Variants in USP10 observed in about 807,000 individuals in gnomAD.
USP10 encodes the protein ubiquitin carboxyl-terminal hydrolase 10.
In USP10, 22 loss-of-function variants were observed where a neutral mutation model predicts 84.5. The observed-to-expected ratio is 0.26, with a 90% CI of 0.19 to 0.37. The LOEUF is 0.37. Among genes scored for constraint, USP10 ranks in the 10% least tolerant of loss-of-function variants. USP10 has a pLI of 1.00. For missense variants in USP10, 1,019 were observed against 998.9 expected, an observed-to-expected ratio of 1.02 and a Z score of -0.27; for synonymous variants, 454 against 387.6, an observed-to-expected ratio of 1.17 and a Z score of -2.01.
chr16:84,762,433 G>A (rs1233322500), intron 8 of USP10, among the ~76,000 whole-genome samples: 5 of 152,208 alleles, frequency 3.3e-5, no homozygotes, highest in African/African-American at 7.2e-5. Context: ...GCTCATGCCT[G>A]TAATCCCAGC....
chr16:84,768,634 G>A (rs1914111483), intron 11 of USP10, among the ~76,000 whole-genome samples: 1 of 152,066 alleles, frequency 6.6e-6, no homozygotes, highest in Non-Finnish European at 1.5e-5. Flanking sequence ...ATCTAATGAT[G>A]ATATCACAAC....
At chr16:84,759,275 T>C in intron 5 of USP10, 88 bp from the exon 6 acceptor site, 3 of 1,282,046 alleles carry the variant, frequency 2.3e-6, no homozygotes, top group Non-Finnish European at 3.4e-6. Context: ...TCCTTGTGTT[T>C]TTATAAACAT....
At chr16:84,754,139 G>T (rs1912248948) in intron 4 of USP10, among the ~76,000 whole-genome samples, 1 of 152,176 alleles carries the variant, frequency 6.6e-6, no homozygotes, top group African/African-American at 2.4e-5. Flanking sequence ...CTAATATCAG[G>T]TAGGCAGTGA....
At chr16:84,777,147 C>T (rs569445312) in intron 13 of USP10, among the ~76,000 whole-genome samples, 118 of 152,324 alleles carry the variant, frequency 7.7e-4, no homozygotes, top group African/African-American at 2.4e-3. Flanking sequence ...AGCAATCTCG[C>T]GCACAAGCTT....
In USP10 at chr16:84,759,420, C is replaced by G. The variant is rs779297574; in HGVS notation, c.1342C>G (p.Leu448Val). 13 of 1,614,008 alleles carry G rather than the reference C, an allele frequency of 8.1e-6. No individual in the cohort carries two copies. Among genetic ancestry groups the G allele is most frequent in the African/African-American group, 1.3e-5 (1 of 75,036 alleles). The change falls in exon 6 of 14, where the codon CTG becomes GTG. Residue 448 changes from leucine to valine, a missense_variant. Around this residue, in one of 2 missense-constraint regions of USP10, gnomAD observed 787 missense variants for 708.8 expected, o/e 1.11. Coordinates refer to ENST00000219473, the MANE Select transcript of USP10 (RefSeq NM_005153.3). ...PMYHLMKFIP[L>V]YSKVQRPCTS... The stretch of plus-strand genomic sequence containing the variant: ...GTACCACCTGATGAAGTTCATTCCT[C>G]TGTATTCCAAAGTGCAAAGGCCTTG...
intron 4 of USP10, among the ~76,000 whole-genome samples, chr16:84,751,263 C>T (rs1388955776): frequency 1.3e-5 from 2 of 152,208 alleles, no homozygotes; most frequent in African/African-American, 2.4e-5. Context: ...CCCACAATGA[C>T]AAAATTGCCT....
At chr16:84,759,723 A>G in intron 6 of USP10, 168 bp from the exon 7 acceptor site, 4 of 742,504 alleles carry the variant, frequency 5.4e-6, no homozygotes, top group Non-Finnish European at 8.9e-6. Flanking sequence ...CTTGAAATAG[A>G]CCAAAAATGC....
intron 1 of USP10, chr16:84,732,709 G>C (rs1207864010): frequency 6.7e-6 from 2 of 297,924 alleles, no homozygotes; most frequent in East Asian, 1.2e-4. Context: ...CAGCCTCCCA[G>C]AGTGCTGGGA....
intron 1 of USP10, among the ~76,000 whole-genome samples, chr16:84,714,979 G>A (rs1906822177): frequency 6.6e-6 from 1 of 150,428 alleles, no homozygotes; most frequent in Non-Finnish European, 1.5e-5. Context: ...GCCCAGGCTG[G>A]AGTGCAGTTC....
intron 4 of USP10, among the ~76,000 whole-genome samples, chr16:84,749,276 T>G (rs1911620088): frequency 1.3e-5 from 2 of 152,252 alleles, no homozygotes; most frequent in African/African-American, 4.8e-5. Context: ...GGGCACACTT[T>G]TAAGTGTAGG....
At chr16:84,742,383 C>T (rs895361991) in intron 3 of USP10, among the ~76,000 whole-genome samples, 1 of 152,240 alleles carries the variant, frequency 6.6e-6, no homozygotes, top group South Asian at 2.1e-4. Context: ...TCCCCTCCCT[C>T]CATGTTTTCA....
At chr16:84,749,181 C>G (rs1327321067) in intron 4 of USP10, among the ~76,000 whole-genome samples, 1 of 152,094 alleles carries the variant, frequency 6.6e-6, no homozygotes, top group Non-Finnish European at 1.5e-5. Context: ...GTTTTATTCT[C>G]CTACTTAGGG....
Position 84,760,020 on chromosome 16 carries a change from A to G in USP10, c.1450+74A>G, listed in dbSNP as rs540174587. On this transcript the variant is annotated intron_variant, in intron 7 of 13. Coordinates refer to ENST00000219473, the MANE Select transcript of USP10 (RefSeq NM_005153.3). ...GAGACAGATGACTTAAATTTGGTAAATTCAGTCTTGTTGGGAAGATAGTGT... is the reference window on the plus strand; with the variant it reads ...GAGACAGATGACTTAAATTTGGTAAGTTCAGTCTTGTTGGGAAGATAGTGT... The G allele has an allele frequency of 4.3e-4, 671 of 1,573,640 alleles. 4 individuals are homozygous for G. In the South Asian group the frequency reaches 6.9e-3, roughly 16 times the overall value.
At chr16:84,725,338 A>G (rs1908315067) in intron 1 of USP10, among the ~76,000 whole-genome samples, 1 of 152,206 alleles carries the variant, frequency 6.6e-6, no homozygotes, top group South Asian at 2.1e-4. Flanking sequence ...TAATGTTTTC[A>G]AAGTCATCCT....
chr16:84,767,519 T>G (rs1232138357), intron 10 of USP10, among the ~76,000 whole-genome samples: 1 of 152,136 alleles, frequency 6.6e-6, no homozygotes, highest in Non-Finnish European at 1.5e-5. Flanking sequence ...AATCCTCTAT[T>G]TACCTTGGGA....
intron 8 of USP10, 144 bp from the exon 9 acceptor site, chr16:84,762,845 C>T (rs1346190604): frequency 2.0e-6 from 1 of 510,710 alleles, no homozygotes; most frequent in Non-Finnish European, 3.5e-6. Context: ...GCAAGGGAAA[C>T]CCATGTCATC....
In USP10 at chr16:84,703,807, C is replaced by T. The variant is rs150446160; in HGVS notation, c.21+3696C>T. 6.4e-4 allele frequency among the ~76,000 whole-genome samples: 98 copies of T among 152,262 alleles called. 2 individuals are homozygous for T. Among genetic ancestry groups the T allele is most frequent in the African/African-American group, 2.2e-3 (93 of 41,548 alleles). On this transcript the variant is annotated intron_variant, in intron 1 of 13. Coordinates refer to ENST00000219473, the MANE Select transcript of USP10 (RefSeq NM_005153.3). ...GGTTTGTACAGATGGCCTGAGCAGCCGCGCCGTACCAGGACCTCACCATCA... is the reference window on the plus strand; with the variant it reads ...GGTTTGTACAGATGGCCTGAGCAGCTGCGCCGTACCAGGACCTCACCATCA...
At chr16:84,735,463 TC>T (rs908954370) in intron 2 of USP10, among the ~76,000 whole-genome samples, 2 of 152,174 alleles carry the variant, frequency 1.3e-5, no homozygotes, top group Non-Finnish European at 2.9e-5. Flanking sequence ...TTCTGCCACT[TC>T]CACAGGCTCG....
intron 4 of USP10, among the ~76,000 whole-genome samples, chr16:84,756,000 G>T (rs1037444925): frequency 3.9e-5 from 6 of 152,080 alleles, no homozygotes; most frequent in Admixed American, 3.3e-4. Flanking sequence ...TAGTATATCT[G>T]TTCTTCCTCA....
Sources: allele counts gnomAD v4.1 joint callset (sites outside exome capture counted in the v4.1 genomes callset), GRCh38; gene constraint gnomAD v4.1.1; regional missense constraint gnomAD v4.1.1; transcripts MANE v1.5; gene names NCBI Gene and HGNC (gene_info 2026-07-23, HGNC 2026-07-21).